The following CYB5R2 variants were observed in gnomAD, a reference collection of about 807,000 sequenced individuals.
CYB5R2 encodes the protein NADH-cytochrome b5 reductase 2.
In CYB5R2, 35 loss-of-function variants were observed where a neutral mutation model predicts 29.8. That is an observed-to-expected ratio of 1.17 (90% confidence interval 0.90 to 1.56). CYB5R2 has a LOEUF of 1.56. CYB5R2 is among the 40% of genes most tolerant of loss of function. The probability of loss-of-function intolerance (pLI) is 0.00; values close to 1 mark genes in which losing one functional copy is unlikely to be tolerated. For missense variants in CYB5R2, 419 were observed against 346.7 expected, an observed-to-expected ratio of 1.21 and a Z score of -1.66; for synonymous variants, 169 against 130.6, an observed-to-expected ratio of 1.29 and a Z score of -2.01.
chr11:7,665,859 TTGTCCGGCAGGG>T, intron 8 of CYB5R2: 1 of 1,535,780 alleles, frequency 6.5e-7, no homozygotes, highest in Non-Finnish European at 8.7e-7. Context: ...CCAGCTGGAG[TTGTCCGGCAGGG>T]TGTGGCCTGG....
intron 7 of CYB5R2, 77 bp from the exon 8 acceptor site, chr11:7,666,627 T>C: frequency 2.8e-6 from 3 of 1,066,868 alleles, no homozygotes; most frequent in Non-Finnish European, 4.2e-6. Context: ...CCGGTCAGCA[T>C]ACTCCTGGCC....
rs1047423304 is a variant in CYB5R2, at chr11:7,666,211, G to C, written c.658+240C>G. 8.6e-6 allele frequency: 5 copies of C among 578,224 alleles called. No individual in the cohort carries two copies. In the Admixed American group the frequency reaches 1.2e-4, roughly 14 times the overall value. 35.8% of individuals were successfully genotyped at this position (578,224 alleles called of 1,614,324 possible). A position where few individuals can be genotyped will look rare whatever the true frequency, so the allele number is the denominator to read the frequency against. On this transcript the variant is annotated intron_variant, in intron 8 of 8. Coordinates refer to ENST00000299498, the MANE Select transcript of CYB5R2 (RefSeq NM_016229.5). ...GGGGCAGTGTCCCTTTTGATGTTCA[G>C]TGCAGCGTGAGGTGCTGCTGATGTA...
rs756628440 is a variant in CYB5R2 at position 7,669,646 on chromosome 11, G to A, written c.237C>T (p.Gly79=). Residue 79 remains glycine, a synonymous_variant, in exon 4 of 9, where the codon GGC becomes GGT. Coordinates refer to ENST00000299498, the MANE Select transcript of CYB5R2 (RefSeq NM_016229.5). ...YTPVSSDDDR[G]FVDLIIKIYF... ...TTACCTTTATAATTAGGTCCACAAA[G>A]CCTCTGTCATCATCACTGGAGACAG... The A allele has an allele frequency of 6.2e-7, 1 of 1,606,130 alleles. No individual in the cohort carries two copies. Among genetic ancestry groups the A allele is most frequent in the Non-Finnish European group, 8.5e-7 (1 of 1,177,062 alleles).
At position 7,672,495 on chromosome 11, in the gene CYB5R2, C is replaced by G; in HGVS notation, c.107G>C (p.Arg36Pro). 1 of 1,614,222 alleles carries G rather than the reference C, an allele frequency of 6.2e-7. No individual in the cohort carries two copies. Among genetic ancestry groups the G allele is most frequent in the Non-Finnish European group, 8.5e-7 (1 of 1,180,046 alleles). The change falls in exon 3 of 9, where the codon CGC (arginine) becomes CCC (proline). Residue 36 changes from arginine (R) to proline (P), a missense_variant. By Grantham distance (103) the Arg-to-Pro change is moderately radical. Transcript: ENST00000299498. ...ATGGTCCGGCGAAGGCAGTCCAAAG[C>G]GGAACCTCCGGGTGTTGTGGCTGAT... The part of the protein sequence containing the change: ...EKISHNTRRF[R>P]FGLPSPDHVL...
At chr11:7,674,158 G>A (rs1855941730), upstream of CYB5R2, 1 of 1,233,334 alleles carries the variant, frequency 8.1e-7, no homozygotes, top group African/African-American at 1.5e-5. Flanking sequence ...ACCGGGCGGA[G>A]GGGGATGCTG....
chr11:7,666,376 G>A, intron 8 of CYB5R2, 75 bp downstream of exon 8: 1 of 938,542 alleles, frequency 1.1e-6, no homozygotes. Flanking sequence ...ACAAAACAAA[G>A]AGACAGAGAC....
In CYB5R2 at chr11:7,672,514, G is replaced by A; in HGVS notation, c.88C>T (p.His30Tyr). 6.2e-7 allele frequency: 1 copy of A among 1,614,178 alleles called. No individual in the cohort carries two copies. The change falls in exon 3 of 9, where the codon CAC becomes TAC. Residue 30 changes from histidine (H) to tyrosine (Y), a missense_variant. Transcript: ENST00000299498. ...CCAAAGCGGAACCTCCGGGTGTTGT[G>A]GCTGATTTTCTGATAAAACAAAACA... The part of the protein sequence containing the change: ...LPLIEKEKIS[H>Y]NTRRFRFGLP...
chr11:7,665,438 TG>T lies in CYB5R2; in HGVS notation c.766del (p.Gln256ArgfsTer17). The T allele has an allele frequency of 6.2e-7, 1 of 1,613,272 alleles. No individual in the cohort carries two copies. The highest frequency in any genetic ancestry group is 1.6e-4 in the Middle Eastern group (1 of 6,062). ...CTCCAGGTTAGGGTGAGCCGCCGTC[TG>T]GATTAGTGGTGGCGGGCCACACACC... ...ILVCGPPPLI[Q>X]TAAHPNLEKL... On this transcript the variant is annotated frameshift_variant, in exon 9 of 9. Coordinates refer to ENST00000299498, the MANE Select transcript of CYB5R2 (RefSeq NM_016229.5). LOFTEE classifies it high-confidence loss of function.
chr11:7,674,120 G>C, upstream of CYB5R2: 1 of 1,210,654 alleles, frequency 8.3e-7, no homozygotes, highest in South Asian at 1.5e-5. Flanking sequence ...ACTTAAGCTC[G>C]GCAAGGCTGG....
intron 8 of CYB5R2, chr11:7,665,751 T>A (rs1855109566): frequency 2.2e-6 from 3 of 1,341,968 alleles, no homozygotes; most frequent in South Asian, 1.4e-5. Flanking sequence ...CCAGGCTCAC[T>A]GCAGGGACCC....
chr11:7,665,833 G>T, intron 8 of CYB5R2: 1 of 1,534,902 alleles, frequency 6.5e-7, no homozygotes, highest in Non-Finnish European at 8.7e-7. Context: ...ATACCGAGGT[G>T]TGTGAATCAG....
intron 6 of CYB5R2, among the ~76,000 whole-genome samples, 162 bp downstream of exon 6, chr11:7,668,316 G>A (rs965435525): frequency 6.6e-6 from 1 of 152,178 alleles, no homozygotes; most frequent in Admixed American, 6.5e-5. Flanking sequence ...GGGAAGCAGG[G>A]TACACAGGGT....
At chr11:7,665,767 C>T in intron 8 of CYB5R2, 2 of 1,414,966 alleles carry the variant, frequency 1.4e-6, no homozygotes, top group Non-Finnish European at 1.9e-6. Flanking sequence ...GACCCTGAAG[C>T]CCTGCTGCTG....
chr11:7,666,217 C>CAT lies in CYB5R2; in HGVS notation c.658+233_658+234insAT, dbSNP rs1555005145. The CAT allele has an allele frequency of 2.4e-5, 14 of 593,002 alleles. No homozygotes were observed. The East Asian group carries it at 2.5e-4, about 11-fold the overall frequency. The allele number at this position is 593,002 out of a possible 1,614,324, so 36.7% of individuals were successfully genotyped here. A position where few individuals can be genotyped will look rare whatever the true frequency, so the allele number is the denominator to read the frequency against. On this transcript the variant is annotated intron_variant, in intron 8 of 8. Coordinates refer to ENST00000299498, the MANE Select transcript of CYB5R2 (RefSeq NM_016229.5). ...GTGTCCCTTTTGATGTTCAGTGCAG[C>CAT]GTGAGGTGCTGCTGATGTATTAGAC... is the stretch of plus-strand genomic sequence containing the variant.
At chr11:7,669,796 G>C (rs567026055) in intron 3 of CYB5R2, 65 bp from the exon 4 acceptor site, 10 of 1,172,196 alleles carry the variant, frequency 8.5e-6, no homozygotes, top group East Asian at 2.4e-5. Context: ...CAGGAATAAA[G>C]GACTGAGCTT....
rs1855819999 is a variant in CYB5R2, at chr11:7,672,612, C to T, written c.79-89G>A. ...TGCCTGGGAAAGGAGGTCCGTTTGG[C>T]GCTATTCCAGCACACACACACACAC... On this transcript the variant is annotated intron_variant, in intron 2 of 8. Transcript: ENST00000299498. 107 of 1,314,104 alleles carry T rather than the reference C, an allele frequency of 8.1e-5. 1 individual carries two copies. The South Asian group carries it at 1.3e-3, about 16-fold the overall frequency. The allele number at this position is 1,314,104 out of a possible 1,614,324, so 81.4% of individuals were successfully genotyped here.
chr11:7,674,070 C>T (rs1367251495), upstream of CYB5R2: 1 of 1,192,276 alleles, frequency 8.4e-7, no homozygotes, highest in Non-Finnish European at 1.1e-6. Context: ...GGCCCCTTCC[C>T]TGCACACGCA....
upstream of CYB5R2, chr11:7,673,894 G>T: frequency 1.0e-6 from 1 of 999,416 alleles, no homozygotes; most frequent in South Asian, 4.3e-5. Flanking sequence ...CGCAGGCTGG[G>T]ACCCCGGCGG....
chr11:7,672,622 G>GCACACACA (rs57207415), intron 2 of CYB5R2, 99 bp from the exon 3 acceptor site: 20,695 of 1,220,578 alleles, frequency 0.017, 56 homozygotes, highest in South Asian at 0.028. Context: ...CGCTATTCCA[G>GCACACACA]CACACACACA....
Sources: allele counts gnomAD v4.1 joint callset (sites outside exome capture counted in the v4.1 genomes callset), GRCh38; gene constraint gnomAD v4.1.1; transcripts MANE v1.5; gene names NCBI Gene and HGNC (gene_info 2026-07-23, HGNC 2026-07-21).